IPCEF1: variants seen among roughly 807,000 people sequenced by gnomAD.
The protein encoded by IPCEF1 is interactor protein for cytohesin exchange factors 1.
A neutral mutation model predicts 50.9 loss-of-function variants in IPCEF1; 31 were observed. The ratio of observed to expected loss-of-function variants is 0.61; its 90% CI spans 0.46 to 0.82. The LOEUF (loss-of-function observed/expected upper bound fraction) is 0.82. Among genes scored for constraint, IPCEF1 ranks in the 40% least tolerant of loss-of-function variants. IPCEF1 has a pLI of 0.00. For missense variants in IPCEF1, 458 were observed against 514.0 expected, an observed-to-expected ratio of 0.89 and a Z score of 1.05; for synonymous variants, 181 against 192.0, an observed-to-expected ratio of 0.94 and a Z score of 0.47.
intron 9 of IPCEF1, among the ~76,000 whole-genome samples, chr6:154,201,158 CTG>C (rs1777038951): frequency 6.6e-6 from 1 of 152,200 alleles, no homozygotes; most frequent in African/African-American, 2.4e-5. Context: ...CCATGTGGAA[CTG>C]TGAGTCAATT....
intron 3 of IPCEF1, among the ~76,000 whole-genome samples, chr6:154,251,632 A>C (rs991152497): frequency 6.6e-6 from 1 of 152,244 alleles, no homozygotes; most frequent in Non-Finnish European, 1.5e-5. Context: ...AGGTATTTCA[A>C]GAATAAAACT....
intron 5 of IPCEF1, among the ~76,000 whole-genome samples, chr6:154,241,885 C>T (rs952927021): frequency 3.9e-5 from 6 of 152,204 alleles, no homozygotes; most frequent in African/African-American, 1.4e-4. Context: ...GTCCCCCATT[C>T]ACTGGCCCTA....
chr6:154,347,709 G>A (rs950125488), intron 1 of IPCEF1, among the ~76,000 whole-genome samples: 4 of 152,194 alleles, frequency 2.6e-5, no homozygotes, highest in Admixed American at 1.3e-4. Flanking sequence ...GCTCACCTCA[G>A]TGGCTCCTAC....
At chr6:154,160,414 A>G (rs1798914092) in intron 11 of IPCEF1, among the ~76,000 whole-genome samples, 1 of 152,200 alleles carries the variant, frequency 6.6e-6, no homozygotes, top group Non-Finnish European at 1.5e-5. Flanking sequence ...TCCAAACTTC[A>G]CTAAGTAAAA....
At chr6:154,174,698 C>T (rs1800161127) in intron 10 of IPCEF1, among the ~76,000 whole-genome samples, 1 of 152,166 alleles carries the variant, frequency 6.6e-6, no homozygotes, top group Admixed American at 6.5e-5. Flanking sequence ...TACAAAGAGA[C>T]TTAGACTCTC....
At chr6:154,262,179 G>A (rs1781617265) in intron 3 of IPCEF1, among the ~76,000 whole-genome samples, 1 of 152,226 alleles carries the variant, frequency 6.6e-6, no homozygotes, top group Admixed American at 6.5e-5. Flanking sequence ...CACGAGGAGA[G>A]CTGGCTGATT....
intron 1 of IPCEF1, among the ~76,000 whole-genome samples, chr6:154,313,083 A>AAAAAAAAAAAAAC: frequency 6.7e-6 from 1 of 149,930 alleles, no homozygotes; most frequent in Non-Finnish European, 1.5e-5. Context: ...AAAAAAAAAA[A>AAAAAAAAAAAAAC]AAACATGGCC....
chr6:154,339,847 C>CG (rs1183834584), intron 1 of IPCEF1, among the ~76,000 whole-genome samples: 2 of 151,794 alleles, frequency 1.3e-5, no homozygotes, highest in Non-Finnish European at 2.9e-5. Context: ...AGCCACCCCC[C>CG]TCACCTCCCA....
At chr6:154,163,043 CA>C (rs562113040) in intron 11 of IPCEF1, among the ~76,000 whole-genome samples, 269 of 152,340 alleles carry the variant, frequency 1.8e-3, no homozygotes, top group African/African-American at 6.3e-3. Flanking sequence ...CTACCACACC[CA>C]ATCCACCAGC....
At chr6:154,316,939 T>C (rs1347104855) in intron 1 of IPCEF1, among the ~76,000 whole-genome samples, 1 of 152,098 alleles carries the variant, frequency 6.6e-6, no homozygotes, top group Non-Finnish European at 1.5e-5. Flanking sequence ...AAAAACTGGA[T>C]AGCCATATGA....
chr6:154,231,939 A>T (rs1779757102), intron 5 of IPCEF1, among the ~76,000 whole-genome samples: 1 of 152,230 alleles, frequency 6.6e-6, no homozygotes, highest in Non-Finnish European at 1.5e-5. Flanking sequence ...ACAAATAATC[A>T]TTGCTCTGAA....
At chr6:154,283,419 A>AC (rs1433294488) in intron 2 of IPCEF1, among the ~76,000 whole-genome samples, 57 of 151,344 alleles carry the variant, frequency 3.8e-4, no homozygotes, top group African/African-American at 1.3e-3. Context: ...ACATGGTGAA[A>AC]CCCCATCTCT....
chr6:154,205,327 G>C (rs1751898689), intron 9 of IPCEF1, among the ~76,000 whole-genome samples: 1 of 152,108 alleles, frequency 6.6e-6, no homozygotes, highest in Non-Finnish European at 1.5e-5. Context: ...AGATGTGGAG[G>C]CTCATGCCTG....
At chr6:154,308,101 A>T (rs1017495108) in intron 1 of IPCEF1, among the ~76,000 whole-genome samples, 2 of 152,178 alleles carry the variant, frequency 1.3e-5, no homozygotes, top group African/African-American at 4.8e-5. Flanking sequence ...AGAAACTAGA[A>T]CAGGGTGAAA....
chr6:154,307,740 A>G (rs1782972497), intron 1 of IPCEF1, among the ~76,000 whole-genome samples: 1 of 152,260 alleles, frequency 6.6e-6, no homozygotes. Flanking sequence ...TGTGAAAAGC[A>G]TCTAGATGTA....
chr6:154,355,661 G>C (rs558116782), intron 1 of IPCEF1, among the ~76,000 whole-genome samples: 1 of 151,888 alleles, frequency 6.6e-6, no homozygotes, highest in South Asian at 2.1e-4. Context: ...GTTAATTTTT[G>C]TATTTTTAGT....
At chr6:154,347,622 G>T (rs977687455) in intron 1 of IPCEF1, among the ~76,000 whole-genome samples, 4 of 152,210 alleles carry the variant, frequency 2.6e-5, no homozygotes, top group Admixed American at 1.3e-4. Flanking sequence ...TGCAGGTTTT[G>T]CCATTAAAGA....
intron 2 of IPCEF1, among the ~76,000 whole-genome samples, chr6:154,289,352 C>T (rs569433957): frequency 6.6e-6 from 1 of 151,354 alleles, no homozygotes; most frequent in African/African-American, 2.4e-5. Flanking sequence ...TCAGTTTATA[C>T]TTGGGCATCT....
chr6:154,270,114 C>G (rs1428722498), intron 2 of IPCEF1, among the ~76,000 whole-genome samples: 1 of 152,072 alleles, frequency 6.6e-6, no homozygotes, highest in Non-Finnish European at 1.5e-5. Context: ...TTTGATATAT[C>G]ATGAGAATGA....
Sources: gnomAD v4.1 joint callset for allele counts (sites outside exome capture counted in the v4.1 genomes callset) on GRCh38, gnomAD v4.1.1 for gene constraint, MANE v1.5 for transcripts, NCBI Gene and HGNC (gene_info 2026-07-23, HGNC 2026-07-21) for gene names.